Variants in IL15RA observed in about 807,000 individuals in gnomAD.
The protein encoded by IL15RA is interleukin-15 receptor subunit alpha.
In IL15RA, 26 loss-of-function variants were observed where a neutral mutation model predicts 24.2. The observed-to-expected ratio is 1.07, with a 90% CI of 0.79 to 1.49. The LOEUF (loss-of-function observed/expected upper bound fraction) is 1.49. IL15RA is among the 40% of genes most tolerant of loss of function. The pLI is 0.00. For missense variants in IL15RA, 354 were observed against 356.4 expected (o/e 0.99, Z 0.05); for synonymous variants, 166 against 157.6 (o/e 1.05, Z -0.40).
chr10:5,963,836 G>A lies in IL15RA; in HGVS notation c.289C>T (p.Pro97Ser). Residue 97 changes from proline to serine, a missense_variant, in exon 3 of 7, where the codon CCT becomes TCT. Physicochemically the swap from Pro to Ser is moderately conservative, Grantham distance 74 (BLOSUM62 -1). Transcript: ENST00000379977. The surrounding 1 kb of genome is among the most constrained non-coding windows in gnomAD (Gnocchi z 5.3). ...GCTGGCCTTTGGTGAACCAGGGCAG[G>A]GTCTCCTAGAGAGAGGATAACCACA... ...TTPSLKCIRD[P>S]ALVHQRPAPP... The A allele has an allele frequency of 6.4e-7, 1 of 1,560,070 alleles. No individual in the cohort carries two copies. The highest frequency in any genetic ancestry group is 1.7e-4 in the Middle Eastern group (1 of 5,960).
In IL15RA at chr10:5,977,535, G is replaced by T. The variant is rs1838660751; in HGVS notation, c.-43C>A. On this transcript the variant is annotated 5_prime_UTR_variant, in exon 1 of 7. Coordinates refer to ENST00000379977, the MANE Select transcript of IL15RA (RefSeq NM_002189.4). ...ACACCGCTGGACTCCCCGGGCGAGCGCTGCCCAGGCCGGGGGGAGGTGGCG... is the reference window on the plus strand; with the variant it reads ...ACACCGCTGGACTCCCCGGGCGAGCTCTGCCCAGGCCGGGGGGAGGTGGCG... The T allele has an allele frequency of 6.2e-6, 8 of 1,296,628 alleles. No homozygotes were observed. The highest frequency in any genetic ancestry group is 7.8e-6 in the Non-Finnish European group (8 of 1,022,272). The allele number at this position is 1,296,628 out of a possible 1,614,324, so 80.3% of individuals were successfully genotyped here. A position where few individuals can be genotyped will look rare whatever the true frequency, so the allele number is the denominator to read the frequency against.
rs540679668 is a variant in IL15RA, at chr10:5,975,703, G to T, written c.88+1702C>A. On this transcript the variant is annotated intron_variant, in intron 1 of 6. Transcript: ENST00000379977. The surrounding 1 kb of genome is among the most constrained non-coding windows in gnomAD (Gnocchi z 4.8). ...AGTGATCACCATGTTGGATCAGCCT[G>T]ACCAACATGATGAAACCCCGTCTCT... Among the ~76,000 whole-genome samples the T allele has an allele frequency of 7.2e-5, 11 of 152,144 alleles. No individual in the cohort carries two copies. Among genetic ancestry groups the T allele is most frequent in the Non-Finnish European group, 1.6e-4 (11 of 68,014 alleles).
chr10:5,971,298 C>T lies in IL15RA; in HGVS notation c.89-4959G>A, dbSNP rs182857109. 6.6e-6 allele frequency among the ~76,000 whole-genome samples: 1 copy of T among 152,290 alleles called. No homozygotes were observed. Among genetic ancestry groups the T allele is most frequent in the African/African-American group, 2.4e-5 (1 of 41,546 alleles). On this transcript the variant is annotated intron_variant, in intron 1 of 6. Transcript: ENST00000379977. The surrounding 1 kb of genome is among the most constrained non-coding windows in gnomAD (Gnocchi z 5.5). ...TTGGAGTAAACTTATGGCTCTAGGA[C>T]TTTCAAAACTCTGAAGTAGCCAAAA...
chr10:5,966,230 T>G lies in IL15RA; in HGVS notation c.198A>C (p.Lys66Asn), dbSNP rs1836507488. 4 of 1,614,162 alleles carry G rather than the reference T, an allele frequency of 2.5e-6. No homozygotes were observed. The highest frequency in any genetic ancestry group is 3.4e-6 in the Non-Finnish European group (4 of 1,179,994). The change falls in exon 2 of 7, where the codon AAA (lysine) becomes AAC (asparagine). Residue 66 changes from lysine (K) to asparagine (N), a missense_variant. Transcript: ENST00000379977. This position sits in a 1 kb window ranked among gnomAD's most constrained non-coding sequence, Gnocchi z 6.4. ...RYICNSGFKRKAGTSSLTECV... is the reference protein window; with the variant it reads ...RYICNSGFKRNAGTSSLTECV... ...ACTCCGTCAGGCTGGACGTGCCGGC[T>G]TTACGCTTGAAACCAGAGTTACAAA...
At position 5,971,213 on chromosome 10, in the gene IL15RA, C is replaced by T. The variant is rs568371607; in HGVS notation, c.89-4874G>A. ...GTTCTGTGGTACTCTCACTTTCCTACGGCTGGTATACGATAGATATTTTCT... is the reference window on the plus strand; with the variant it reads ...GTTCTGTGGTACTCTCACTTTCCTATGGCTGGTATACGATAGATATTTTCT... On this transcript the variant is annotated intron_variant, in intron 1 of 6. Transcript: ENST00000379977. This position sits in a 1 kb window ranked among gnomAD's most constrained non-coding sequence, Gnocchi z 5.5. 3.3e-5 allele frequency among the ~76,000 whole-genome samples: 5 copies of T among 152,198 alleles called. No homozygotes were observed. The highest frequency in any genetic ancestry group is 1.9e-4 in the East Asian group (1 of 5,190).
intron 6 of IL15RA, among the ~76,000 whole-genome samples, 185 bp downstream of exon 6, chr10:5,956,194 T>A (rs1363695255): frequency 6.6e-6 from 1 of 152,164 alleles, no homozygotes; most frequent in African/African-American, 2.4e-5. Flanking sequence ...TTCATATTTT[T>A]AGTAGAGACG....
downstream of IL15RA, among the ~76,000 whole-genome samples, chr10:5,951,552 G>A (rs1167047685): frequency 2.0e-5 from 3 of 152,158 alleles, no homozygotes; most frequent in Non-Finnish European, 4.4e-5. Flanking sequence ...TTGGCTGGGC[G>A]CCGTGGCTCA....
At position 5,953,152 on chromosome 10, in the gene IL15RA, C is replaced by T. The variant is rs143966324; in HGVS notation, c.747G>A (p.Val249=). Residue 249 remains valine, a synonymous_variant, in exon 7 of 7, where the codon GTG becomes GTA. Transcript: ENST00000379977. This position sits in a 1 kb window ranked among gnomAD's most constrained non-coding sequence, Gnocchi z 5.3. The part of the protein sequence containing the change: ...VEMEAMEALP[V]TWGTSSRDED... ...CATCTCTGCTGCTGGTCCCCCAAGT[C>T]ACCGGCAGAGCCTCCATGGCTTCCA... 12 of 1,614,146 alleles carry T rather than the reference C, an allele frequency of 7.4e-6. No homozygotes were observed. In the African/African-American group the frequency reaches 1.5e-4, roughly 20 times the overall value.
Position 5,968,888 on chromosome 10 carries a change from TCTG to T in IL15RA, c.89-2552_89-2550del. The T allele has an allele frequency of 1.5e-6, 2 of 1,339,140 alleles. No homozygotes were observed. The highest frequency in any genetic ancestry group is 2.1e-6 in the Non-Finnish European group (2 of 967,450). 83.0% of individuals were successfully genotyped at this position (1,339,140 alleles called of 1,614,324 possible). A position where few individuals can be genotyped will look rare whatever the true frequency, so the allele number is the denominator to read the frequency against. On this transcript the variant is annotated intron_variant, in intron 1 of 6. Transcript: ENST00000379977. The surrounding 1 kb of genome is among the most constrained non-coding windows in gnomAD (Gnocchi z 5.4). ...CCTCATGGTTGAAGCTTTCAGATAT[TCTG>T]CTCCTTCCCGCCAGGACAGCCAGCC... is the stretch of plus-strand genomic sequence containing the variant.
intron 1 of IL15RA, among the ~76,000 whole-genome samples, chr10:5,976,760 C>G (rs1838514962): frequency 3.9e-5 from 6 of 152,030 alleles, no homozygotes; most frequent in Admixed American, 3.9e-4. Context: ...CCCCCTTTTT[C>G]TGCGAGTGTA....
intron 1 of IL15RA, among the ~76,000 whole-genome samples, chr10:5,969,155 GTCC>G (rs1245332861): frequency 6.6e-6 from 1 of 151,904 alleles, no homozygotes; most frequent in Non-Finnish European, 1.5e-5. Flanking sequence ...GGTAGTATAA[GTCC>G]TCCTACTGTG....
Position 5,966,019 on chromosome 10 carries a change from C to T in IL15RA, c.283+126G>A. On this transcript the variant is annotated intron_variant, in intron 2 of 6. Transcript: ENST00000379977. This position sits in a 1 kb window ranked among gnomAD's most constrained non-coding sequence, Gnocchi z 6.4. ...TACAGGTGTGAGCCACCGTGCCCGG[C>T]CCCCACTGGTGTGTTTAGCCTCAGA... 1 of 619,420 alleles carries T rather than the reference C, an allele frequency of 1.6e-6. No homozygotes were observed. The highest frequency in any genetic ancestry group is 2.7e-6 in the Non-Finnish European group (1 of 365,566). The allele number at this position is 619,420 out of a possible 1,614,324, so 38.4% of individuals were successfully genotyped here. A position where few individuals can be genotyped will look rare whatever the true frequency, so the allele number is the denominator to read the frequency against.
rs959600038 is a variant in IL15RA, at chr10:5,959,877, A to G, written c.584-91T>C. On this transcript the variant is annotated intron_variant, in intron 4 of 6. Transcript: ENST00000379977. This position sits in a 1 kb window ranked among gnomAD's most constrained non-coding sequence, Gnocchi z 4.1. Reference sequence around the variant, plus strand: ...AGAAAATCTGCATGGCTTGGCTCCCATCTTAGCACCCTGGGAGACTCGTGG... The same window carrying G: ...AGAAAATCTGCATGGCTTGGCTCCCGTCTTAGCACCCTGGGAGACTCGTGG... 1.1e-5 allele frequency: 14 copies of G among 1,236,634 alleles called. No homozygotes were observed. Among genetic ancestry groups the G allele is most frequent in the Non-Finnish European group, 1.5e-5 (13 of 847,596 alleles). 76.6% of individuals were successfully genotyped at this position (1,236,634 alleles called of 1,614,324 possible).
In IL15RA at chr10:5,953,075, T is replaced by G. The variant is rs1411188546; in HGVS notation, c.*20A>C. On this transcript the variant is annotated 3_prime_UTR_variant, in exon 7 of 7. Coordinates refer to ENST00000379977, the MANE Select transcript of IL15RA (RefSeq NM_002189.4). This position sits in a 1 kb window ranked among gnomAD's most constrained non-coding sequence, Gnocchi z 5.3. ...GAGGCTCCTTCACTCCGGACTTAGC[T>G]GGGCTGGTTTCCCCGAGTTTCATAG... The G allele has an allele frequency of 5.1e-6, 8 of 1,561,926 alleles. No individual in the cohort carries two copies. In the Admixed American group the frequency reaches 1.3e-4, roughly 26 times the overall value.
intron 1 of IL15RA, among the ~76,000 whole-genome samples, chr10:5,974,380 A>G (rs962145427): frequency 5.3e-5 from 8 of 152,324 alleles, no homozygotes; most frequent in Admixed American, 1.3e-4. Context: ...AAATAAGCAC[A>G]TAACATCACC....
In IL15RA at chr10:5,960,335, C is replaced by G. The variant is rs777601952; in HGVS notation, c.583+32G>C. On this transcript the variant is annotated intron_variant, in intron 4 of 6. Transcript: ENST00000379977. This position sits in a 1 kb window ranked among gnomAD's most constrained non-coding sequence, Gnocchi z 5.1. ...CGATCTCAGAAGCAGCAATGGGGAA[C>G]TGACCTCTCCTGGGGCAAAGCGAGT... 5.6e-6 allele frequency: 9 copies of G among 1,593,922 alleles called. No individual in the cohort carries two copies. Among genetic ancestry groups the G allele is most frequent in the Non-Finnish European group, 7.7e-6 (9 of 1,161,766 alleles).
Position 5,960,635 on chromosome 10 carries a change from G to C in IL15RA, c.383-68C>G. On this transcript the variant is annotated intron_variant, in intron 3 of 6. Coordinates refer to ENST00000379977, the MANE Select transcript of IL15RA (RefSeq NM_002189.4). The surrounding 1 kb of genome is among the most constrained non-coding windows in gnomAD (Gnocchi z 5.1). ...TCCCCTCCTCTCAGCTGCAGCACGG[G>C]GTGATGTGGGAGCTGCCATAGTGAG... The C allele has an allele frequency of 7.3e-7, 1 of 1,365,444 alleles. No homozygotes were observed. The highest frequency in any genetic ancestry group is 1.0e-6 in the Non-Finnish European group (1 of 970,446). 84.6% of individuals were successfully genotyped at this position (1,365,444 alleles called of 1,614,324 possible). A position where few individuals can be genotyped will look rare whatever the true frequency, so the allele number is the denominator to read the frequency against.
chr10:5,952,952 T>C lies in IL15RA; in HGVS notation c.*143A>G. ...CGCGCAGGAGGCGCCGACCCGGCAG[T>C]CCGTGAGATCCTGCTGGGACTTCTG... On this transcript the variant is annotated 3_prime_UTR_variant, in exon 7 of 7. Coordinates refer to ENST00000379977, the MANE Select transcript of IL15RA (RefSeq NM_002189.4). 3.0e-6 allele frequency: 2 copies of C among 675,004 alleles called. No homozygotes were observed. Among genetic ancestry groups the C allele is most frequent in the East Asian group, 2.6e-5 (1 of 39,068 alleles). The allele number at this position is 675,004 out of a possible 1,614,324, so 41.8% of individuals were successfully genotyped here.
intron 1 of IL15RA, among the ~76,000 whole-genome samples, chr10:5,969,282 T>A (rs954705409): frequency 2.0e-5 from 3 of 149,362 alleles, no homozygotes; most frequent in South Asian, 2.1e-4. Flanking sequence ...TAAAATTTTA[T>A]AATTAAAATT....
Sources: allele counts gnomAD v4.1 joint callset (sites outside exome capture counted in the v4.1 genomes callset), GRCh38; gene constraint gnomAD v4.1.1; non-coding constraint Gnocchi (gnomAD v3.1); transcripts MANE v1.5; gene names NCBI Gene and HGNC (gene_info 2026-07-23, HGNC 2026-07-21).